Variants in SLC13A3 observed in about 807,000 individuals in gnomAD.
SLC13A3 encodes the protein solute carrier family 13 member 3.
In SLC13A3, 40 loss-of-function variants were observed where a neutral mutation model predicts 59.0. That is an observed-to-expected ratio of 0.68 (90% CI 0.53 to 0.88). SLC13A3 has a LOEUF of 0.88. Among genes scored for constraint, SLC13A3 ranks in the 40% least tolerant of loss-of-function variants. The pLI is 0.00. For missense variants in SLC13A3, 699 were observed against 783.2 expected, an observed-to-expected ratio of 0.89 and a Z score of 1.28; for synonymous variants, 317 against 330.3, an observed-to-expected ratio of 0.96 and a Z score of 0.44.
rs2694881 is a variant in SLC13A3, at chr20:46,596,450, G to C, written c.609-108C>G. 1,708 of 984,260 alleles carry C rather than the reference G, an allele frequency of 1.7e-3. 23 individuals are homozygous for C. The African/African-American group carries it at 0.026, about 15-fold the overall frequency. The allele number at this position is 984,260 out of a possible 1,614,324, so 61.0% of individuals were successfully genotyped here. A position where few individuals can be genotyped will look rare whatever the true frequency, so the allele number is the denominator to read the frequency against. Reference sequence around the variant, plus strand: ...TCTTTCTAGAAGGTAATTTGGCACAGGTATCAAAAACCCGTAACAAGGTGC... The same window carrying C: ...TCTTTCTAGAAGGTAATTTGGCACACGTATCAAAAACCCGTAACAAGGTGC... On this transcript the variant is annotated intron_variant, in intron 4 of 12. Coordinates refer to ENST00000279027, the MANE Select transcript of SLC13A3 (RefSeq NM_022829.6).
At chr20:46,597,102 C>T (rs1442380707) in intron 4 of SLC13A3, among the ~76,000 whole-genome samples, 1 of 152,040 alleles carries the variant, frequency 6.6e-6, no homozygotes, top group Admixed American at 6.6e-5. Context: ...GGCTATGTTT[C>T]ATGAATATAA....
At chr20:46,604,419 G>T (rs1279450469) in intron 3 of SLC13A3, among the ~76,000 whole-genome samples, 1 of 152,120 alleles carries the variant, frequency 6.6e-6, no homozygotes, top group Non-Finnish European at 1.5e-5. Flanking sequence ...TTTGGTGAAG[G>T]CCATTGACAC....
intron 1 of SLC13A3, among the ~76,000 whole-genome samples, chr20:46,614,100 G>A (rs367779750): frequency 6.6e-5 from 10 of 152,186 alleles, no homozygotes; most frequent in African/African-American, 2.4e-4. Flanking sequence ...AAGGACAATG[G>A]GGAAATGAAA....
chr20:46,589,139 A>G (rs1156817839), intron 7 of SLC13A3, 21 bp downstream of exon 7: 1 of 1,607,314 alleles, frequency 6.2e-7, no homozygotes, highest in Non-Finnish European at 8.5e-7. Flanking sequence ...CTCTTTCCTT[A>G]ACCCAAGGGC....
intron 1 of SLC13A3, among the ~76,000 whole-genome samples, chr20:46,665,637 C>T (rs2063059258): frequency 6.6e-6 from 1 of 152,144 alleles, no homozygotes; most frequent in Non-Finnish European, 1.5e-5. Context: ...CTTTATTATT[C>T]AATCATCAGT....
chr20:46,640,670 G>T (rs145736786), intron 1 of SLC13A3, among the ~76,000 whole-genome samples: 62 of 152,292 alleles, frequency 4.1e-4, no homozygotes, highest in African/African-American at 1.4e-3. Context: ...TCACTTGCCG[G>T]GAAGTGGTGT....
chr20:46,611,280 G>A (rs545365901), intron 2 of SLC13A3, among the ~76,000 whole-genome samples: 8 of 152,242 alleles, frequency 5.3e-5, no homozygotes, highest in African/African-American at 1.9e-4. Flanking sequence ...TTCCAGACTT[G>A]TGTCTTACTG....
intron 1 of SLC13A3, among the ~76,000 whole-genome samples, chr20:46,621,486 A>T (rs1222849045): frequency 6.6e-6 from 1 of 152,114 alleles, no homozygotes; most frequent in African/African-American, 2.4e-5. Context: ...AGTGTCTATA[A>T]CTTGATGGAG....
In SLC13A3 at chr20:46,566,545, C is replaced by T. The variant is rs1447494207; in HGVS notation, c.1333-155G>A. Reference sequence around the variant, plus strand: ...GGGAGGTGACGTGTCCAATGTCACACATTCGAGCCAAGGTCACACATCTGA... The same window carrying T: ...GGGAGGTGACGTGTCCAATGTCACATATTCGAGCCAAGGTCACACATCTGA... On this transcript the variant is annotated intron_variant, in intron 10 of 12. Transcript: ENST00000279027. 4 of 742,250 alleles carry T rather than the reference C, an allele frequency of 5.4e-6. No homozygotes were observed. The Admixed American group carries it at 1.0e-4, about 19-fold the overall frequency. 46.0% of individuals were successfully genotyped at this position (742,250 alleles called of 1,614,324 possible). A position where few individuals can be genotyped will look rare whatever the true frequency, so the allele number is the denominator to read the frequency against.
chr20:46,566,878 C>T lies in SLC13A3; in HGVS notation c.1333-488G>A, dbSNP rs192917314. 4.6e-3 allele frequency among the ~76,000 whole-genome samples: 692 copies of T among 150,918 alleles called. 6 individuals carry two copies. Among genetic ancestry groups the T allele is most frequent in the Admixed American group, 0.011 (167 of 15,128 alleles). On this transcript the variant is annotated intron_variant, in intron 10 of 12. Transcript: ENST00000279027. ...CTTACTATATATCATATATAAAACA[C>T]GTATCAGATATACATCAACTACAAC...
At chr20:46,614,203 T>C (rs2062532643) in intron 1 of SLC13A3, among the ~76,000 whole-genome samples, 1 of 152,060 alleles carries the variant, frequency 6.6e-6, no homozygotes, top group Non-Finnish European at 1.5e-5. Flanking sequence ...CAGACCATGC[T>C]TCAGTGTATG....
rs561276084 is a variant in SLC13A3 at position 46,636,910 on chromosome 20, C to CT, written c.111+14400_111+14401insA. ...CCGCCTCCTGGGTTCCAGTGATTCT[C>CT]CTGCCTTAGTCTCCTGAGTAGCTGG... On this transcript the variant is annotated intron_variant, in intron 1 of 12. Coordinates refer to ENST00000279027, the MANE Select transcript of SLC13A3 (RefSeq NM_022829.6). Among the ~76,000 whole-genome samples, 308 of 152,082 alleles carry CT rather than the reference C, an allele frequency of 2.0e-3. 2 individuals carry two copies. Among genetic ancestry groups the CT allele is most frequent in the African/African-American group, 7.1e-3 (296 of 41,446 alleles).
intron 1 of SLC13A3, among the ~76,000 whole-genome samples, chr20:46,618,776 G>A (rs886700582): frequency 5.3e-5 from 8 of 152,124 alleles, no homozygotes; most frequent in Admixed American, 2.0e-4. Context: ...TAGCCCAAAT[G>A]GACTAAGACA....
chr20:46,626,515 G>T (rs1041256050), intron 1 of SLC13A3, among the ~76,000 whole-genome samples: 2 of 152,136 alleles, frequency 1.3e-5, no homozygotes, highest in Admixed American at 1.3e-4. Flanking sequence ...GCAGCAAGTA[G>T]GTCAAGAGTG....
In SLC13A3 at chr20:46,558,319, G is replaced by A. The variant is rs1225883621; in HGVS notation, c.*1703C>T. The A allele has an allele frequency of 5.3e-5, 8 of 152,246 alleles. No individual in the cohort carries two copies. The highest frequency in any genetic ancestry group is 1.4e-4 in the African/African-American group (6 of 41,448). The allele number at this position is 152,246 out of a possible 1,614,324, so 9.4% of individuals were successfully genotyped here. On this transcript the variant is annotated 3_prime_UTR_variant, in exon 13 of 13. Coordinates refer to ENST00000279027, the MANE Select transcript of SLC13A3 (RefSeq NM_022829.6). ...GTATGTAGCTGGAGAGGGGAGGGAA[G>A]AGCAGTAGAAAATCAGAGAGGTCAA...
chr20:46,610,166 C>T (rs1420736384), intron 3 of SLC13A3, among the ~76,000 whole-genome samples: 1 of 152,172 alleles, frequency 6.6e-6, no homozygotes, highest in Non-Finnish European at 1.5e-5. Context: ...ATAGTACTTA[C>T]TTCATAGAGC....
At chr20:46,585,845 A>C in intron 8 of SLC13A3, 1 of 1,200,034 alleles carries the variant, frequency 8.3e-7, no homozygotes, top group Non-Finnish European at 1.1e-6. Flanking sequence ...TGCTTATAAC[A>C]ACCTTCAGGA....
Position 46,637,174 on chromosome 20 carries a change from T to A in SLC13A3, c.111+14137A>T, listed in dbSNP as rs190247942. Among the ~76,000 whole-genome samples the A allele has an allele frequency of 2.1e-3, 316 of 152,248 alleles. 1 individual carries two copies. Among genetic ancestry groups the A allele is most frequent in the African/African-American group, 7.0e-3 (289 of 41,544 alleles). Reference sequence around the variant, plus strand: ...CCAGCTGGTCCTGCCCCAGGCATCCTGGGAGGGGGCGCAGTTGGGAAACCA... The same window carrying A: ...CCAGCTGGTCCTGCCCCAGGCATCCAGGGAGGGGGCGCAGTTGGGAAACCA... On this transcript the variant is annotated intron_variant, in intron 1 of 12. Transcript: ENST00000279027.
At chr20:46,613,804 G>T (rs1252114394) in intron 1 of SLC13A3, 79 bp from the exon 2 acceptor site, 5 of 1,310,498 alleles carry the variant, frequency 3.8e-6, no homozygotes, top group Non-Finnish European at 5.2e-6. Flanking sequence ...TCAGGGCAGA[G>T]GGGGAAGGAG....
Sources: allele counts gnomAD v4.1 joint callset (sites outside exome capture counted in the v4.1 genomes callset), GRCh38; gene constraint gnomAD v4.1.1; transcripts MANE v1.5; gene names NCBI Gene and HGNC (gene_info 2026-07-23, HGNC 2026-07-21).